Variants in MORN1 observed in about 807,000 individuals in gnomAD.
MORN1 encodes the protein MORN repeat containing 1, also known as MORN repeat-containing protein 1.
A neutral mutation model predicts 61.9 loss-of-function variants in MORN1; 67 were observed. The ratio of observed to expected loss-of-function variants is 1.08; its 90% CI spans 0.89 to 1.33. The LOEUF is 1.33. MORN1 is among the 40% of genes most tolerant of loss of function. The pLI, the probability that MORN1 is intolerant of heterozygous loss-of-function variation, is 0.00. For missense variants in MORN1, 752 were observed against 691.2 expected (o/e 1.09, Z -0.99); for synonymous variants, 301 against 292.0 (o/e 1.03, Z -0.31).
intron 12 of MORN1, among the ~76,000 whole-genome samples, chr1:2,331,443 G>A (rs935377981): frequency 6.6e-5 from 10 of 152,216 alleles, no homozygotes; most frequent in Non-Finnish European, 8.8e-5. Context: ...CCTGGCAGGC[G>A]GATGCCGGGC....
At chr1:2,368,964 G>A (rs1161229086) in intron 8 of MORN1, among the ~76,000 whole-genome samples, 1 of 151,980 alleles carries the variant, frequency 6.6e-6, no homozygotes, top group East Asian at 1.9e-4. Context: ...GGCTGAGGCA[G>A]GAGAATCGCT....
At chr1:2,354,431 G>A (rs1483736631) in intron 10 of MORN1, among the ~76,000 whole-genome samples, 1 of 152,186 alleles carries the variant, frequency 6.6e-6, no homozygotes, top group Non-Finnish European at 1.5e-5. Flanking sequence ...GCCGGGCACG[G>A]TGGCTCGTGC....
chr1:2,336,789 C>T lies in MORN1; in HGVS notation c.1098G>A (p.Glu366=), dbSNP rs774645805. 6.2e-7 allele frequency: 1 copy of T among 1,606,018 alleles called. No homozygotes were observed. Among genetic ancestry groups the T allele is most frequent in the South Asian group, 1.1e-5 (1 of 90,068 alleles). ...GCGGCCCCAGGAGGACATCTGTGAA[C>T]TCGGCACAGCCCTGCTCCACTCGCT... ...ACQRVEQGCA[E]FTDVLLGPPP... Residue 366 remains glutamate, a synonymous_variant, in exon 11 of 14, where the codon GAG becomes GAA. Transcript: ENST00000378531.
chr1:2,389,090 C>T (rs746311187), intron 2 of MORN1, among the ~76,000 whole-genome samples: 1 of 123,834 alleles, frequency 8.1e-6, no homozygotes, highest in Non-Finnish European at 1.7e-5. Context: ...CCAGCCTGGG[C>T]AACAAGAGCA....
chr1:2,327,543 AAC>A (rs1029709519), intron 12 of MORN1, among the ~76,000 whole-genome samples: 3 of 152,200 alleles, frequency 2.0e-5, no homozygotes, highest in African/African-American at 4.8e-5. Flanking sequence ...GAAACACAGA[AAC>A]ACACAGAAAC....
chr1:2,341,463 C>T (rs965057405), intron 10 of MORN1, among the ~76,000 whole-genome samples: 22 of 152,166 alleles, frequency 1.4e-4, no homozygotes, highest in Admixed American at 1.4e-3. Flanking sequence ...GAGGCCAAAG[C>T]AGGCGGATCA....
chr1:2,356,728 C>T (rs540966004), intron 10 of MORN1, among the ~76,000 whole-genome samples: 12 of 152,336 alleles, frequency 7.9e-5, no homozygotes, highest in African/African-American at 1.4e-4. Context: ...CTGTGCTGCG[C>T]GGGAGGGTTT....
intron 8 of MORN1, chr1:2,371,220 A>AACAACC (rs1346048962): frequency 2.0e-5 from 2 of 102,314 alleles, no homozygotes; most frequent in Non-Finnish European, 2.1e-5. Context: ...AAACAACAAC[A>AACAACC]ACAACCACAA....
rs1295313876 is a variant in MORN1 at position 2,337,527 on chromosome 1, C to A, written c.1037-677G>T. 6.6e-6 allele frequency among the ~76,000 whole-genome samples: 1 copy of A among 152,212 alleles called. No individual in the cohort carries two copies. Among genetic ancestry groups the A allele is most frequent in the Non-Finnish European group, 1.5e-5 (1 of 68,038 alleles). On this transcript the variant is annotated intron_variant, in intron 10 of 13. Transcript: ENST00000378531. The surrounding 1 kb of genome is among the most constrained non-coding windows in gnomAD (Gnocchi z 5.7). ...CCAGGGTGCGAGGTATGGGGGCTCC[C>A]CTCTGGCTTCCCCCACGCACAGATG...
chr1:2,338,291 C>G (rs1390962958), intron 10 of MORN1, among the ~76,000 whole-genome samples: 1 of 152,156 alleles, frequency 6.6e-6, no homozygotes, highest in Non-Finnish European at 1.5e-5. Flanking sequence ...GAAAGTCTTC[C>G]CTTCTGCAAG....
At chr1:2,324,589 C>T (rs769051778) in intron 12 of MORN1, among the ~76,000 whole-genome samples, 9 of 152,112 alleles carry the variant, frequency 5.9e-5, no homozygotes, top group Non-Finnish European at 1.0e-4. Context: ...ACCAGGAGGC[C>T]CGGCGGTGGT....
chr1:2,335,617 G>A (rs1010731602), intron 12 of MORN1, among the ~76,000 whole-genome samples: 1 of 152,152 alleles, frequency 6.6e-6, no homozygotes, highest in African/African-American at 2.4e-5. Flanking sequence ...TGTGCACCGC[G>A]TCACCAAAAT....
chr1:2,387,665 C>T (rs1317488255), intron 3 of MORN1, 136 bp from the exon 4 acceptor site: 3 of 654,088 alleles, frequency 4.6e-6, no homozygotes, highest in Non-Finnish European at 8.3e-6. Flanking sequence ...TCATACTACT[C>T]AGTCTGCTTC....
intron 1 of MORN1, chr1:2,390,370 T>C: frequency 1.0e-6 from 1 of 961,808 alleles, no homozygotes; most frequent in Non-Finnish European, 1.2e-6. Flanking sequence ...AGCGGCAGTG[T>C]CAGTGAGGCA....
At chr1:2,382,949 G>A (rs373908765) in intron 6 of MORN1, among the ~76,000 whole-genome samples, 5 of 152,230 alleles carry the variant, frequency 3.3e-5, no homozygotes, top group East Asian at 3.9e-4. Context: ...CATGCGGAGG[G>A]GAGCCACACT....
At chr1:2,333,259 G>A (rs1641197605) in intron 12 of MORN1, among the ~76,000 whole-genome samples, 1 of 152,222 alleles carries the variant, frequency 6.6e-6, no homozygotes, top group African/African-American at 2.4e-5. Context: ...GCAACAGGCC[G>A]GGGACAGGCC....
chr1:2,342,562 G>A (rs1448221988), intron 10 of MORN1, among the ~76,000 whole-genome samples: 1 of 152,150 alleles, frequency 6.6e-6, no homozygotes, highest in Non-Finnish European at 1.5e-5. Flanking sequence ...AAGTCAGCGG[G>A]AACACGCGGG....
intron 12 of MORN1, among the ~76,000 whole-genome samples, chr1:2,330,249 G>C (rs1416834298): frequency 6.6e-6 from 1 of 152,216 alleles, no homozygotes; most frequent in East Asian, 1.9e-4. Flanking sequence ...CCTGAGTCCT[G>C]TCCCTGTTCA....
intron 6 of MORN1, among the ~76,000 whole-genome samples, chr1:2,380,040 G>A (rs1642335908): frequency 6.6e-6 from 1 of 152,200 alleles, no homozygotes; most frequent in Admixed American, 6.5e-5. Flanking sequence ...GGTGGTGGGG[G>A]GTGCGGGCCC....
Sources: gnomAD v4.1 joint callset for allele counts (sites outside exome capture counted in the v4.1 genomes callset) on GRCh38, gnomAD v4.1.1 for gene constraint, Gnocchi (gnomAD v3.1) non-coding constraint, MANE v1.5 for transcripts, NCBI Gene and HGNC (gene_info 2026-07-23, HGNC 2026-07-21) for gene names.